KRT5: variants seen among roughly 807,000 people sequenced by gnomAD.
KRT5 encodes the protein keratin 5.
A neutral mutation model predicts 44.0 loss-of-function variants in KRT5; 17 were observed. That is an observed-to-expected ratio of 0.39 (90% CI 0.26 to 0.58). KRT5 has a LOEUF of 0.58. KRT5 is among the 20% of genes least tolerant of loss of function. The pLI is 0.61. For missense variants in KRT5, 737 were observed against 785.5 expected (o/e 0.94, Z 0.74); for synonymous variants, 329 against 312.8 (o/e 1.05, Z -0.55).
chr12:52,517,246 G>A lies in KRT5; in HGVS notation c.1093-14C>T. ...CAGCTCCTCATACTGATGCAGCCAGGAAAGAGGAAAGATTCTGTTTATATG... is the reference window on the plus strand; with the variant it reads ...CAGCTCCTCATACTGATGCAGCCAGAAAAGAGGAAAGATTCTGTTTATATG... On this transcript the variant is annotated splice_polypyrimidine_tract_variant and intron_variant, in intron 5 of 8. Transcript: ENST00000252242. The A allele has an allele frequency of 3.1e-6, 5 of 1,613,996 alleles. No homozygotes were observed. Among genetic ancestry groups the A allele is most frequent in the South Asian group, 1.1e-5 (1 of 91,082 alleles).
In KRT5 at chr12:52,515,495, G is replaced by A; in HGVS notation, c.1475-255C>T. The A allele has an allele frequency of 4.8e-6, 3 of 627,980 alleles. No homozygotes were observed. In the South Asian group the frequency reaches 5.8e-5, roughly 12 times the overall value. 38.9% of individuals were successfully genotyped at this position (627,980 alleles called of 1,614,324 possible). On this transcript the variant is annotated intron_variant, in intron 8 of 8. Coordinates refer to ENST00000252242, the MANE Select transcript of KRT5 (RefSeq NM_000424.4). ...TACAGGGAGCTAGGTACTGAGGGGAGCTAGGTACTGAGGGGAGGAGCTAGG... is the reference window on the plus strand; with the variant it reads ...TACAGGGAGCTAGGTACTGAGGGGAACTAGGTACTGAGGGGAGGAGCTAGG...
rs373891687 is a variant in KRT5 at position 52,517,676 on chromosome 12, C to T, written c.1006G>A (p.Asp336Asn). The change falls in exon 5 of 9, where the codon GAT (aspartate) becomes AAT (asparagine). Residue 336 changes from aspartate to asparagine, a missense_variant. By Grantham distance (23) the Asp-to-Asn change is conservative. This residue lies in a region of KRT5 where 344 missense variants were observed against 351.6 expected (regional missense o/e 0.98). Transcript: ENST00000252242. ...GCCTTGACCTCAGCGATGATGCTAT[C>T]CAGGTCCAGGTTGCGGTTGTTGTCC... ...SMDNNRNLDLDSIIAEVKAQY... is the reference protein window; with the variant it reads ...SMDNNRNLDLNSIIAEVKAQY... 43 of 1,614,196 alleles carry T rather than the reference C, an allele frequency of 2.7e-5. No homozygotes were observed. The highest frequency in any genetic ancestry group is 3.5e-5 in the Non-Finnish European group (41 of 1,180,032).
chr12:52,519,631 A>G, intron 1 of KRT5, 111 bp downstream of exon 1: 1 of 1,154,218 alleles, frequency 8.7e-7, no homozygotes, highest in South Asian at 1.2e-5. Flanking sequence ...GAAACACAGA[A>G]CTGTACAACT....
rs755232621 is a variant in KRT5, at chr12:52,515,001, T to G, written c.1714A>C (p.Ser572Arg). 2 of 1,612,610 alleles carry G rather than the reference T, an allele frequency of 1.2e-6. No homozygotes were observed. The highest frequency in any genetic ancestry group is 1.7e-6 in the Non-Finnish European group (2 of 1,179,602). Residue 572 changes from serine (S) to arginine (R), a missense_variant, in exon 9 of 9, where the codon AGC (serine) becomes CGC (arginine). Physicochemically the swap from Ser to Arg is moderately radical, Grantham distance 110 (BLOSUM62 -1). This residue lies in a region of KRT5 where 344 missense variants were observed against 351.6 expected (regional missense o/e 0.98). Transcript: ENST00000252242. ...GTGGAGACAAATTTGACGCTGGAGC[T>G]GCTACCCCCGCCACTGCCAAAGCCC... is the stretch of plus-strand genomic sequence containing the variant. Reference protein sequence around the residue: ...GVGFGSGGGSSSSVKFVSTTS... With the variant: ...GVGFGSGGGSRSSVKFVSTTS...
chr12:52,519,191 A>G, intron 1 of KRT5, 31 bp from the exon 2 acceptor site: 1 of 1,613,540 alleles, frequency 6.2e-7, no homozygotes, highest in Non-Finnish European at 8.5e-7. Context: ...AAGATAGAGA[A>G]ACTTGGATTT....
rs754100299 is a variant in KRT5, at chr12:52,516,740, T to G, written c.1336A>C (p.Met446Leu). 3 of 1,614,198 alleles carry G rather than the reference T, an allele frequency of 1.9e-6. No homozygotes were observed. The highest frequency in any genetic ancestry group is 2.5e-6 in the Non-Finnish European group (3 of 1,180,034). ...TGGTACTCACGCAGCAGCCGGGCCA[T>G]GTCCTGCTTGGCCTTCTGCAGGGCC... ...EEALQKAKQD[M>L]ARLLREYQEL... Residue 446 changes from methionine to leucine, a missense_variant, in exon 7 of 9, where the codon ATG (methionine) becomes CTG (leucine). Around this residue, in one of 5 missense-constraint regions of KRT5, gnomAD observed 344 missense variants for 351.6 expected, o/e 0.98. Transcript: ENST00000252242.
intron 4 of KRT5, 66 bp downstream of exon 4, chr12:52,517,831 C>T: frequency 6.2e-7 from 1 of 1,608,086 alleles, no homozygotes; most frequent in South Asian, 1.1e-5. Flanking sequence ...ATCTTTCACT[C>T]ATTGTGATAT....
At chr12:52,515,356 CA>C in intron 8 of KRT5, 116 bp from the exon 9 acceptor site, 1 of 1,420,716 alleles carries the variant, frequency 7.0e-7, no homozygotes, top group Non-Finnish European at 9.8e-7. Flanking sequence ...TACAGAGTAG[CA>C]AACAAGGCCC....
chr12:52,518,870 G>A (rs1482309828), intron 2 of KRT5, 76 bp downstream of exon 2: 1 of 1,559,672 alleles, frequency 6.4e-7, no homozygotes, highest in Non-Finnish European at 8.8e-7. Context: ...AGGCATGGTA[G>A]TAGACTAGTA....
intron 2 of KRT5, 105 bp downstream of exon 2, chr12:52,518,841 T>C: frequency 7.4e-7 from 1 of 1,353,576 alleles, no homozygotes; most frequent in Non-Finnish European, 1.1e-6. Flanking sequence ...GGAAGGTATA[T>C]CCTCCCAGCC....
intron 8 of KRT5, chr12:52,515,547 C>A: frequency 1.6e-6 from 1 of 624,968 alleles, no homozygotes; most frequent in Non-Finnish European, 2.8e-6. Flanking sequence ...GTACTAGGGA[C>A]AAGGCAGGGG....
At chr12:52,516,937 A>G in intron 6 of KRT5, 80 bp from the exon 7 acceptor site, 1 of 1,556,886 alleles carries the variant, frequency 6.4e-7, no homozygotes, top group Non-Finnish European at 8.8e-7. Context: ...GACAAACCAA[A>G]CTATCATGAA....
At position 52,515,351 on chromosome 12, in the gene KRT5, A is replaced by G. The variant is rs34311965; in HGVS notation, c.1475-111T>C. ...GCACTCTACTGGACCCCCTTTACAG[A>G]GTAGCAAACAAGGCCCGGAAGAACT... On this transcript the variant is annotated intron_variant, in intron 8 of 8. Transcript: ENST00000252242. The G allele has an allele frequency of 3.8e-3, 5,635 of 1,472,476 alleles. 159 individuals carry two copies. In the Admixed American group the frequency reaches 0.053, roughly 14 times the overall value. 91.2% of individuals were successfully genotyped at this position (1,472,476 alleles called of 1,614,324 possible).
intron 7 of KRT5, chr12:52,516,096 A>C (rs1401189281): frequency 1.8e-6 from 1 of 568,398 alleles, no homozygotes; most frequent in Non-Finnish European, 3.1e-6. Flanking sequence ...AGAGATTTGG[A>C]AAATGTGATT....
Position 52,520,259 on chromosome 12 carries a change from C to A in KRT5, c.38G>T (p.Gly13Val), listed in dbSNP as rs1367644026. The A allele has an allele frequency of 2.5e-6, 4 of 1,613,788 alleles. No individual in the cohort carries two copies. The highest frequency in any genetic ancestry group is 1.7e-6 in the Non-Finnish European group (2 of 1,180,014). Residue 13 changes from glycine to valine, a missense_variant, in exon 1 of 9, where the codon GGC becomes GTC. This residue lies in a region of KRT5 where 326 missense variants were observed against 333.1 expected (regional missense o/e 0.98). Transcript: ENST00000252242. ...RQSSVSFRSG[G>V]SRSFSTASAI... ...AGAGGCGGTGCTGAAGCTACGACTG[C>A]CCCCGCTCCGGAAGGACACACTTGA... is the stretch of plus-strand genomic sequence containing the variant.
At chr12:52,517,056 T>C (rs2120477177) in intron 6 of KRT5, 51 bp downstream of exon 6, 1 of 1,611,004 alleles carries the variant, frequency 6.2e-7, no homozygotes, top group East Asian at 2.2e-5. Context: ...AAAGTAGGTG[T>C]TTCTTTTAGA....
In KRT5 at chr12:52,519,157, G is replaced by A; in HGVS notation, c.559C>T (p.Arg187Trp). 1 of 1,614,192 alleles carries A rather than the reference G, an allele frequency of 6.2e-7. No individual in the cohort carries two copies. Residue 187 changes from arginine (R) to tryptophan (W), a missense_variant, in exon 2 of 9, where the codon CGG (arginine) becomes TGG (tryptophan). Physicochemically the swap from Arg to Trp is moderately radical, Grantham distance 101 (BLOSUM62 -3). Transcript: ENST00000252242. ...ACCTTGTTCTGCTGCTCCAGGAACC[G>A]CACCTGGAGGGGAGCAGGGTTTGAA... ...NKFASFIDKV[R>W]FLEQQNKVLD...
At chr12:52,519,371 C>T (rs1031984723) in intron 1 of KRT5, among the ~76,000 whole-genome samples, 2 of 152,012 alleles carry the variant, frequency 1.3e-5, no homozygotes, top group African/African-American at 4.8e-5. Context: ...ACAGAAAGCA[C>T]TAGGAGTGCT....
Position 52,519,067 on chromosome 12 carries a change from G to T in KRT5, c.649C>A (p.Pro217Thr). The change falls in exon 2 of 9, where the codon CCG (proline) becomes ACG (threonine). Residue 217 changes from proline (P) to threonine (T), a missense_variant. Transcript: ENST00000252242. ...TTGTTGATGTACTGCTCGAACAACG[G>T]CTCCAGGTTCTGCCTCACAGTCTTG... ...GTKTVRQNLE[P>T]LFEQYINNLR... 1 of 1,614,194 alleles carries T rather than the reference G, an allele frequency of 6.2e-7. No individual in the cohort carries two copies. Among genetic ancestry groups the T allele is most frequent in the East Asian group, 2.2e-5 (1 of 44,880 alleles).
Sources: allele counts gnomAD v4.1 joint callset (sites outside exome capture counted in the v4.1 genomes callset), GRCh38; gene constraint gnomAD v4.1.1; regional missense constraint gnomAD v4.1.1; transcripts MANE v1.5; gene names NCBI Gene and HGNC (gene_info 2026-07-23, HGNC 2026-07-21).